The following SEMA6A variants were observed in gnomAD, a reference collection of about 807,000 sequenced individuals.
SEMA6A encodes semaphorin 6A.
A neutral mutation model predicts 96.8 loss-of-function variants in SEMA6A; 25 were observed. The observed-to-expected ratio is 0.26, with a 90% CI of 0.19 to 0.36. SEMA6A has a LOEUF of 0.36. SEMA6A is among the 10% of genes least tolerant of loss of function. The pLI is 1.00. For synonymous variants in SEMA6A, 612 were observed against 518.0 expected, an observed-to-expected ratio of 1.18 and a Z score of -2.46; for missense variants, 1,363 against 1,323.1, an observed-to-expected ratio of 1.03 and a Z score of -0.47.
At chr5:116,491,433 T>G (rs1004960737) in intron 7 of SEMA6A, among the ~76,000 whole-genome samples, 3 of 152,092 alleles carry the variant, frequency 2.0e-5, no homozygotes, top group African/African-American at 7.2e-5. Flanking sequence ...AATTTTTTTT[T>G]TTTACATTGG....
chr5:116,511,824 C>G (rs1758418973), intron 1 of SEMA6A, among the ~76,000 whole-genome samples: 1 of 152,222 alleles, frequency 6.6e-6, no homozygotes, highest in Admixed American at 6.5e-5. Flanking sequence ...TGCAGCCTCC[C>G]TCAACCGTGA....
At chr5:116,567,467 A>C (rs1215522854) in intron 1 of SEMA6A, among the ~76,000 whole-genome samples, 1 of 152,218 alleles carries the variant, frequency 6.6e-6, no homozygotes, top group Non-Finnish European at 1.5e-5. Flanking sequence ...CTGTTACTCA[A>C]GTAAAAATAA....
intron 2 of SEMA6A, among the ~76,000 whole-genome samples, chr5:116,503,352 G>A (rs1490265287): frequency 6.6e-6 from 1 of 152,082 alleles, no homozygotes; most frequent in Non-Finnish European, 1.5e-5. Context: ...ATTTACAAGG[G>A]AGCTTGGTAT....
At chr5:116,464,734 C>A (rs148744346) in intron 18 of SEMA6A, among the ~76,000 whole-genome samples, 50 of 152,058 alleles carry the variant, frequency 3.3e-4, no homozygotes, top group African/African-American at 1.2e-3. Context: ...TAAATCAAGA[C>A]GAAAGACATA....
Position 116,443,893 on chromosome 5 carries a change from G to A in SEMA6A, c.*2720C>T, listed in dbSNP as rs746328132. 5 of 152,538 alleles carry A rather than the reference G, an allele frequency of 3.3e-5. No individual in the cohort carries two copies. The highest frequency in any genetic ancestry group is 7.3e-5 in the Non-Finnish European group (5 of 68,048). 9.4% of individuals were successfully genotyped at this position (152,538 alleles called of 1,614,324 possible). ...TGCAGAAGACCAGCTCAATACATGT[G>A]GGTATTTTAGGGTTAACACCAGAAG... On this transcript the variant is annotated 3_prime_UTR_variant, in exon 19 of 19. Transcript: ENST00000343348.
At chr5:116,558,843 T>G (rs545993283) in intron 1 of SEMA6A, among the ~76,000 whole-genome samples, 1 of 152,366 alleles carries the variant, frequency 6.6e-6, no homozygotes, top group South Asian at 2.1e-4. Flanking sequence ...AACACCTCAG[T>G]TGCACATGGC....
At chr5:116,465,209 C>G (rs1291582366) in intron 18 of SEMA6A, among the ~76,000 whole-genome samples, 1 of 152,136 alleles carries the variant, frequency 6.6e-6, no homozygotes, top group Non-Finnish European at 1.5e-5. Context: ...CAGATTCGTT[C>G]AAGTTAAGGG....
chr5:116,551,308 G>GTCTTAGC (rs1253052251), intron 1 of SEMA6A, among the ~76,000 whole-genome samples: 14 of 81,820 alleles, frequency 1.7e-4, no homozygotes, highest in African/African-American at 4.2e-4. Flanking sequence ...CTGCATGATA[G>GTCTTAGC]TCTTAGCATA....
rs1251823862 is a variant in SEMA6A, at chr5:116,445,992, A to G, written c.*621T>C. On this transcript the variant is annotated 3_prime_UTR_variant, in exon 19 of 19. Transcript: ENST00000343348. ...GAAATCTATGACATAGTTGCCCAAC[A>G]TGGCATTTATCTGCTGCAACAGAAA... is the stretch of plus-strand genomic sequence containing the variant. 1.3e-5 allele frequency: 2 copies of G among 152,680 alleles called. No homozygotes were observed. Among genetic ancestry groups the G allele is most frequent in the African/African-American group, 4.8e-5 (2 of 41,462 alleles). The allele number at this position is 152,680 out of a possible 1,614,324, so 9.5% of individuals were successfully genotyped here.
chr5:116,567,820 G>A (rs775227475), intron 1 of SEMA6A, among the ~76,000 whole-genome samples: 1 of 152,140 alleles, frequency 6.6e-6, no homozygotes, highest in Non-Finnish European at 1.5e-5. Context: ...ACTAGTCCTG[G>A]TTCACCCTGA....
chr5:116,492,733 G>A (rs1033750722), intron 6 of SEMA6A, among the ~76,000 whole-genome samples: 2 of 152,154 alleles, frequency 1.3e-5, no homozygotes, highest in African/African-American at 4.8e-5. Context: ...TGGTAGAGAG[G>A]CAGATACTGA....
chr5:116,547,734 TA>T (rs34908253), intron 1 of SEMA6A, among the ~76,000 whole-genome samples: 3,841 of 65,428 alleles, frequency 0.059, 48 homozygotes, highest in African/African-American at 0.11. Flanking sequence ...ATCTGATACT[TA>T]AAAAAAAAAA....
chr5:116,490,979 T>C (rs963557150), intron 7 of SEMA6A, among the ~76,000 whole-genome samples: 1 of 152,216 alleles, frequency 6.6e-6, no homozygotes, highest in Admixed American at 6.5e-5. Flanking sequence ...GTTTGCTATT[T>C]CTTTATATCT....
At chr5:116,467,020 G>T (rs1009786052) in intron 18 of SEMA6A, among the ~76,000 whole-genome samples, 18 of 152,180 alleles carry the variant, frequency 1.2e-4, no homozygotes, top group African/African-American at 4.1e-4. Context: ...TAGCAATTCT[G>T]CTTGATTAAA....
Position 116,447,341 on chromosome 5 carries a change from T to C in SEMA6A, c.2365A>G (p.Lys789Glu), listed in dbSNP as rs773725434. The change falls in exon 19 of 19, where the codon AAG becomes GAG. Residue 789 changes from lysine to glutamate, a missense_variant. By Grantham distance (56) the Lys-to-Glu change is moderately conservative. Coordinates refer to ENST00000343348, the MANE Select transcript of SEMA6A (RefSeq NM_020796.5). ...RNQNLINACTKDMPPMGSPVI... is the reference protein window; with the variant it reads ...RNQNLINACTEDMPPMGSPVI... ...GGGGAGCCCATGGGGGGCATGTCCTTTGTGCAGGCATTGATGAGGTTCTGG... is the reference window on the plus strand; with the variant it reads ...GGGGAGCCCATGGGGGGCATGTCCTCTGTGCAGGCATTGATGAGGTTCTGG... The C allele has an allele frequency of 9.3e-6, 15 of 1,613,852 alleles. No homozygotes were observed. In the Admixed American group the frequency reaches 2.3e-4, roughly 25 times the overall value.
chr5:116,549,705 TGAC>T (rs1332540650), intron 1 of SEMA6A, among the ~76,000 whole-genome samples: 1 of 152,192 alleles, frequency 6.6e-6, no homozygotes, highest in African/African-American at 2.4e-5. Context: ...ACTTTTCTGG[TGAC>T]AACAGGAATG....
At chr5:116,550,219 G>C (rs1000844870) in intron 1 of SEMA6A, 1 of 151,982 alleles carries the variant, frequency 6.6e-6, no homozygotes, top group Non-Finnish European at 1.5e-5. Flanking sequence ...AGCATCCTTG[G>C]TTTTTATTTT....
At chr5:116,447,910 G>A in intron 18 of SEMA6A, 99 bp from the exon 19 acceptor site, 2 of 949,770 alleles carry the variant, frequency 2.1e-6, no homozygotes, top group Admixed American at 2.8e-5. Context: ...AGTAGTAAGT[G>A]ACAACAGCAC....
intron 16 of SEMA6A, among the ~76,000 whole-genome samples, chr5:116,474,045 G>C (rs1756312577): frequency 6.6e-6 from 1 of 152,256 alleles, no homozygotes; most frequent in East Asian, 1.9e-4. Flanking sequence ...ACATACAGAG[G>C]CTTCCTTAGG....
Sources: gnomAD v4.1 joint callset for allele counts (sites outside exome capture counted in the v4.1 genomes callset) on GRCh38, gnomAD v4.1.1 for gene constraint, MANE v1.5 for transcripts, NCBI Gene and HGNC (gene_info 2026-07-23, HGNC 2026-07-21) for gene names.